GFRA1: variants seen among roughly 807,000 people sequenced by gnomAD.
The protein encoded by GFRA1 is GDNF family receptor alpha-1.
In GFRA1, 16 loss-of-function variants were observed where a neutral mutation model predicts 51.6. That is an observed-to-expected ratio of 0.31 (90% CI 0.21 to 0.47). The LOEUF is 0.47. GFRA1 is among the 20% of genes least tolerant of loss of function. GFRA1 has a pLI of 1.00. For missense variants in GFRA1, 530 were observed against 594.3 expected (o/e 0.89, Z 1.13); for synonymous variants, 270 against 241.3 (o/e 1.12, Z -1.10).
chr10:116,140,210 G>A (rs979482969), intron 5 of GFRA1, among the ~76,000 whole-genome samples: 3 of 152,218 alleles, frequency 2.0e-5, no homozygotes, highest in Admixed American at 6.5e-5. Context: ...CATTTACAAG[G>A]ACTATACTGA....
chr10:116,143,281 G>C lies in GFRA1; in HGVS notation c.434-17724C>G, dbSNP rs544324897. Among the ~76,000 whole-genome samples, 68 of 151,706 alleles carry C rather than the reference G, an allele frequency of 4.5e-4. 1 individual carries two copies. Among genetic ancestry groups the C allele is most frequent in the Middle Eastern group, 6.8e-3 (2 of 294 alleles). On this transcript the variant is annotated intron_variant, in intron 5 of 10. Transcript: ENST00000355422. ...TCCTGAGGCTGGGTTTTAGGATACT[G>C]GGCAGAGCACTTCTCAAACAAACTG... is the stretch of plus-strand genomic sequence containing the variant.
At position 116,139,939 on chromosome 10, in the gene GFRA1, C is replaced by T. The variant is rs189125523; in HGVS notation, c.434-14382G>A. On this transcript the variant is annotated intron_variant, in intron 5 of 10. Coordinates refer to ENST00000355422, the MANE Select transcript of GFRA1 (RefSeq NM_005264.8). ...ATTTAGCATTCTCACCATGATATTG[C>T]CAACACAGATACTAATTAGCCTTTT... Among the ~76,000 whole-genome samples, 7 of 152,330 alleles carry T rather than the reference C, an allele frequency of 4.6e-5. No individual in the cohort carries two copies. In the East Asian group the frequency reaches 1.3e-3, roughly 29 times the overall value.
intron 5 of GFRA1, among the ~76,000 whole-genome samples, chr10:116,178,742 C>G (rs1472241695): frequency 6.6e-6 from 1 of 152,200 alleles, no homozygotes; most frequent in African/African-American, 2.4e-5. Flanking sequence ...GAGAAACATA[C>G]TCCAGAAGGA....
chr10:116,191,296 T>C (rs932752592), intron 5 of GFRA1, among the ~76,000 whole-genome samples: 8 of 152,232 alleles, frequency 5.3e-5, no homozygotes, highest in African/African-American at 1.7e-4. Flanking sequence ...GTAATCACCA[T>C]AAAAGGCTAG....
chr10:116,271,789 C>G lies in GFRA1; in HGVS notation c.40+201G>C, dbSNP rs548855193. Among the ~76,000 whole-genome samples, 33 of 152,256 alleles carry G rather than the reference C, an allele frequency of 2.2e-4. No homozygotes were observed. The East Asian group carries it at 6.0e-3, about 28-fold the overall frequency. On this transcript the variant is annotated intron_variant, in intron 2 of 10. Transcript: ENST00000355422. ...AACCACAGGAAATCAAAACCAAGCCCGAAAAGCTTCAGGCAGCGCCGCGCC... is the reference window on the plus strand; with the variant it reads ...AACCACAGGAAATCAAAACCAAGCCGGAAAAGCTTCAGGCAGCGCCGCGCC...
intron 5 of GFRA1, among the ~76,000 whole-genome samples, chr10:116,164,177 C>T (rs1308727915): frequency 1.3e-5 from 2 of 152,160 alleles, no homozygotes; most frequent in African/African-American, 4.8e-5. Context: ...ACAGACTAGA[C>T]TTTACTGGAT....
intron 6 of GFRA1, among the ~76,000 whole-genome samples, chr10:116,108,848 T>G (rs763826544): frequency 3.8e-4 from 58 of 152,212 alleles, no homozygotes; most frequent in Non-Finnish European, 7.6e-4. Flanking sequence ...CACCTAGAAT[T>G]ATGCCTTGCA....
chr10:116,236,988 C>T (rs990025945), intron 4 of GFRA1, among the ~76,000 whole-genome samples: 1 of 152,192 alleles, frequency 6.6e-6, no homozygotes, highest in African/African-American at 2.4e-5. Flanking sequence ...ATAGTCACAA[C>T]AAACTTGCAA....
At chr10:116,101,974 A>T (rs1332062511) in intron 6 of GFRA1, among the ~76,000 whole-genome samples, 1 of 152,220 alleles carries the variant, frequency 6.6e-6, no homozygotes, top group African/African-American at 2.4e-5. Flanking sequence ...TAGCATTATT[A>T]TTCTTACCCA....
chr10:116,248,558 T>C (rs1316038850), intron 4 of GFRA1, among the ~76,000 whole-genome samples: 1 of 152,208 alleles, frequency 6.6e-6, no homozygotes, highest in Non-Finnish European at 1.5e-5. Context: ...CTAATTATCT[T>C]GAATTCATTC....
At chr10:116,144,459 C>A (rs537973109) in intron 5 of GFRA1, among the ~76,000 whole-genome samples, 1 of 151,684 alleles carries the variant, frequency 6.6e-6, no homozygotes, top group Non-Finnish European at 1.5e-5. Flanking sequence ...ATGAGGAATA[C>A]GAGATAATGT....
chr10:116,088,920 C>T (rs1429761034), intron 9 of GFRA1, among the ~76,000 whole-genome samples: 1 of 49,012 alleles, frequency 2.0e-5, no homozygotes, highest in Non-Finnish European at 3.0e-5. Flanking sequence ...GACTCTGTCT[C>T]AAAAAAAAAA....
chr10:116,239,693 T>C (rs1967193647), intron 4 of GFRA1, among the ~76,000 whole-genome samples: 2 of 152,180 alleles, frequency 1.3e-5, no homozygotes, highest in Admixed American at 1.3e-4. Flanking sequence ...CAGTAATAAT[T>C]AAAATTATTA....
At chr10:116,148,693 C>T (rs1354000694) in intron 5 of GFRA1, among the ~76,000 whole-genome samples, 1 of 152,114 alleles carries the variant, frequency 6.6e-6, no homozygotes, top group African/African-American at 2.4e-5. Flanking sequence ...TGGACAGCCT[C>T]ATAAATATAA....
chr10:116,163,988 C>A (rs546198761), intron 5 of GFRA1, among the ~76,000 whole-genome samples: 1 of 152,182 alleles, frequency 6.6e-6, no homozygotes, highest in Non-Finnish European at 1.5e-5. Context: ...CATCGAACCC[C>A]TTGGTGCTTC....
intron 9 of GFRA1, among the ~76,000 whole-genome samples, chr10:116,079,910 C>G (rs1408409679): frequency 1.3e-5 from 2 of 152,116 alleles, no homozygotes; most frequent in Non-Finnish European, 2.9e-5. Flanking sequence ...TCAAAACCCC[C>G]ACTCTAACAA....
In GFRA1 at chr10:116,170,089, G is replaced by C. The variant is rs562492221; in HGVS notation, c.433+41542C>G. ...GCTGAGCAAAGGAGCCACCCCTGCT[G>C]CAAGTCCCACCAGAGGGTAAAGGGA... On this transcript the variant is annotated intron_variant, in intron 5 of 10. Coordinates refer to ENST00000355422, the MANE Select transcript of GFRA1 (RefSeq NM_005264.8). 2.6e-5 allele frequency among the ~76,000 whole-genome samples: 4 copies of C among 152,304 alleles called. No individual in the cohort carries two copies. In the South Asian group the frequency reaches 8.3e-4, roughly 32 times the overall value.
rs201769096 is a variant in GFRA1, at chr10:116,225,596, A to AT, written c.419-13952dup. ...ATTTTGAATGAGCTGTGTGAAACTA[A>AT]TTTTTTTTTTTGAGACGGAGTCTTG... On this transcript the variant is annotated intron_variant, in intron 4 of 10. Coordinates refer to ENST00000355422, the MANE Select transcript of GFRA1 (RefSeq NM_005264.8). Among the ~76,000 whole-genome samples the AT allele has an allele frequency of 5.5e-3, 775 of 141,680 alleles. 4 individuals carry two copies. The highest frequency in any genetic ancestry group is 0.014 in the African/African-American group (553 of 38,412). The allele number at this position is 141,680 out of a possible 152,430, so 92.9% of individuals were successfully genotyped here.
chr10:116,087,235 A>G (rs1956137714), intron 9 of GFRA1, among the ~76,000 whole-genome samples: 1 of 149,918 alleles, frequency 6.7e-6, no homozygotes, highest in Non-Finnish European at 1.5e-5. Context: ...CACATACTGC[A>G]CTGTACCACG....
Sources: allele counts gnomAD v4.1 joint callset (sites outside exome capture counted in the v4.1 genomes callset), GRCh38; gene constraint gnomAD v4.1.1; transcripts MANE v1.5; gene names NCBI Gene and HGNC (gene_info 2026-07-23, HGNC 2026-07-21).